The following WDR41 variants were observed in gnomAD, a reference collection of about 807,000 sequenced individuals.
WDR41 encodes the protein WD repeat-containing protein 41.
Under a neutral mutation model 69.3 loss-of-function variants are expected in WDR41, and 63 were observed. That is an observed-to-expected ratio of 0.91 (90% CI 0.74 to 1.12). The LOEUF is 1.12. Among genes scored for constraint, WDR41 ranks in the 50% most tolerant of loss-of-function variants. WDR41 has a pLI of 0.00. For synonymous variants in WDR41, 185 were observed against 192.1 expected (o/e 0.96, Z 0.31); for missense variants, 543 against 534.5 (o/e 1.02, Z -0.16).
intron 1 of WDR41, chr5:77,582,688 G>T: frequency 6.3e-7 from 1 of 1,599,242 alleles, no homozygotes. Flanking sequence ...GAGCCCAAAG[G>T]TCCGAAAGGT....
At chr5:77,518,360 G>T (rs753130952) in intron 1 of WDR41, among the ~76,000 whole-genome samples, 29 of 152,004 alleles carry the variant, frequency 1.9e-4, no homozygotes, top group Admixed American at 6.6e-5. Flanking sequence ...GTAGAAAATA[G>T]GATAATATTT....
intron 1 of WDR41, among the ~76,000 whole-genome samples, chr5:77,612,121 A>C (rs1391760273): frequency 2.0e-5 from 3 of 152,226 alleles, no homozygotes; most frequent in Non-Finnish European, 2.9e-5. Context: ...ATAGACCAAT[A>C]ACAGGCTCTG....
intron 1 of WDR41, among the ~76,000 whole-genome samples, chr5:77,514,216 C>T (rs1249494511): frequency 6.6e-6 from 1 of 151,814 alleles, no homozygotes; most frequent in Non-Finnish European, 1.5e-5. Context: ...TTTTTCTGTA[C>T]ACCTACATCC....
chr5:77,462,056 G>C (rs1319352958), intron 4 of WDR41, among the ~76,000 whole-genome samples: 1 of 152,080 alleles, frequency 6.6e-6, no homozygotes, highest in Non-Finnish European at 1.5e-5. Flanking sequence ...CTGGCTGTGT[G>C]CCTTGGGAAA....
At chr5:77,491,993 C>T (rs774540288) in intron 1 of WDR41, 177 bp downstream of exon 1, 4 of 774,442 alleles carry the variant, frequency 5.2e-6, no homozygotes, top group Non-Finnish European at 7.9e-6. Flanking sequence ...GTCTGAGGAG[C>T]TCCGGCTCCC....
chr5:77,547,651 A>G (rs976196585), intron 1 of WDR41, among the ~76,000 whole-genome samples: 22 of 152,150 alleles, frequency 1.4e-4, no homozygotes, highest in African/African-American at 5.3e-4. Flanking sequence ...ACAAATGGAA[A>G]CACAGTCCAT....
intron 2 of WDR41, among the ~76,000 whole-genome samples, chr5:77,469,620 C>A (rs1463159886): frequency 1.3e-5 from 2 of 152,114 alleles, no homozygotes; most frequent in African/African-American, 4.8e-5. Flanking sequence ...TCAATAATCA[C>A]TGCCTGAAGT....
chr5:77,582,353 T>C (rs1189489180), intron 1 of WDR41: 49 of 1,599,416 alleles, frequency 3.1e-5, no homozygotes, highest in Non-Finnish European at 3.9e-5. Flanking sequence ...ATGCGCCAAC[T>C]TCCTCTTTTT....
chr5:77,597,188 G>A (rs1039304178), intron 1 of WDR41, among the ~76,000 whole-genome samples: 6 of 152,054 alleles, frequency 3.9e-5, no homozygotes, highest in Admixed American at 6.6e-5. Flanking sequence ...CTCTTGAAAG[G>A]GGAGGGGACC....
intron 1 of WDR41, among the ~76,000 whole-genome samples, chr5:77,594,456 AAAAT>A (rs1277944699): frequency 1.3e-5 from 2 of 152,038 alleles, no homozygotes; most frequent in African/African-American, 4.8e-5. Context: ...ATAAAAAAAG[AAAAT>A]AAATAATTAA....
intron 2 of WDR41, among the ~76,000 whole-genome samples, chr5:77,474,741 G>A (rs554949133): frequency 6.6e-6 from 1 of 152,128 alleles, no homozygotes; most frequent in Non-Finnish European, 1.5e-5. Flanking sequence ...TAAAACATTT[G>A]GTAAGTTCTT....
At chr5:77,575,592 G>A (rs1437485350) in intron 1 of WDR41, among the ~76,000 whole-genome samples, 1 of 152,190 alleles carries the variant, frequency 6.6e-6, no homozygotes, top group Non-Finnish European at 1.5e-5. Context: ...AGTTGCAGGT[G>A]TGCTCAGGTG....
intron 1 of WDR41, among the ~76,000 whole-genome samples, chr5:77,595,206 A>T (rs1561234395): frequency 6.6e-6 from 1 of 152,178 alleles, no homozygotes; most frequent in Non-Finnish European, 1.5e-5. Context: ...CTGTGTACTA[A>T]ATTAGATCAA....
intron 1 of WDR41, among the ~76,000 whole-genome samples, chr5:77,550,972 G>C (rs1169196730): frequency 6.6e-6 from 1 of 152,112 alleles, no homozygotes; most frequent in East Asian, 1.9e-4. Context: ...AATACCACAG[G>C]TTCTCACTTA....
chr5:77,489,407 C>T (rs772728096), intron 2 of WDR41, 50 bp downstream of exon 2: 8 of 1,208,396 alleles, frequency 6.6e-6, no homozygotes, highest in Non-Finnish European at 9.2e-6. Context: ...ATAAAATTCC[C>T]TAAAACCTCT....
At chr5:77,451,172 C>G in intron 7 of WDR41, 119 bp downstream of exon 7, 1 of 872,326 alleles carries the variant, frequency 1.1e-6, no homozygotes, top group East Asian at 2.6e-5. Context: ...TCAACAATCC[C>G]AAGAAGCCAA....
intron 1 of WDR41, among the ~76,000 whole-genome samples, chr5:77,522,799 G>C (rs1211015428): frequency 1.3e-5 from 2 of 152,124 alleles, no homozygotes; most frequent in East Asian, 3.9e-4. Flanking sequence ...TGAGGTGTTT[G>C]AGCAAGGACC....
chr5:77,453,202 T>C (rs1799692947), intron 6 of WDR41, among the ~76,000 whole-genome samples: 1 of 152,166 alleles, frequency 6.6e-6, no homozygotes, highest in South Asian at 2.1e-4. Context: ...ATGTTCCTTC[T>C]AGGATACCCA....
intron 1 of WDR41, among the ~76,000 whole-genome samples, chr5:77,510,766 ATTTTTTTT>A (rs58752727): frequency 8.0e-5 from 8 of 99,588 alleles, no homozygotes; most frequent in South Asian, 3.4e-4. Flanking sequence ...TCCAAATTCA[ATTTTTTTT>A]TTTTTTTTTT....
Sources: allele counts gnomAD v4.1 joint callset (sites outside exome capture counted in the v4.1 genomes callset), GRCh38; gene constraint gnomAD v4.1.1; transcripts MANE v1.5; gene names NCBI Gene and HGNC (gene_info 2026-07-23, HGNC 2026-07-21).